The following SYK variants were observed in gnomAD, a reference collection of about 807,000 sequenced individuals.
The protein encoded by SYK is tyrosine-protein kinase SYK.
In SYK, 16 loss-of-function variants were observed where a neutral mutation model predicts 77.8. That is an observed-to-expected ratio of 0.21 (90% confidence interval 0.14 to 0.31). SYK has a LOEUF of 0.31. SYK is among the 10% of genes least tolerant of loss of function. The probability of loss-of-function intolerance (pLI) is 1.00; values close to 1 mark genes in which losing one functional copy is unlikely to be tolerated. For synonymous variants in SYK, 312 were observed against 308.7 expected (o/e 1.01, Z -0.11); for missense variants, 529 against 814.4 (o/e 0.65, Z 4.26).
intron 1 of SYK, among the ~76,000 whole-genome samples, chr9:90,815,759 A>C (rs1825268247): frequency 1.3e-5 from 2 of 152,240 alleles, no homozygotes; most frequent in African/African-American, 4.8e-5. Flanking sequence ...CCCACGTGAA[A>C]AGGGGAATGT....
intron 13 of SYK, among the ~76,000 whole-genome samples, chr9:90,891,270 C>G (rs999967660): frequency 6.6e-6 from 1 of 151,840 alleles, no homozygotes; most frequent in Non-Finnish European, 1.5e-5. Context: ...CTCAGCCTCC[C>G]GAGTAGCTGG....
intron 11 of SYK, among the ~76,000 whole-genome samples, chr9:90,881,404 G>A (rs1204454255): frequency 6.6e-6 from 1 of 152,146 alleles, no homozygotes; most frequent in East Asian, 1.9e-4. Context: ...AGTGGGCCGG[G>A]CGTGGTGGCT....
chr9:90,823,399 C>A (rs1825580264), intron 1 of SYK, among the ~76,000 whole-genome samples: 2 of 152,180 alleles, frequency 1.3e-5, no homozygotes, highest in African/African-American at 2.4e-5. Context: ...TCAACTTGAT[C>A]TAATTGACAT....
At chr9:90,885,175 C>G (rs1301249464) in intron 11 of SYK, among the ~76,000 whole-genome samples, 1 of 151,296 alleles carries the variant, frequency 6.6e-6, no homozygotes, top group Non-Finnish European at 1.5e-5. Flanking sequence ...CAAAAAAATC[C>G]CAATCAAAAA....
intron 1 of SYK, among the ~76,000 whole-genome samples, chr9:90,818,633 A>C (rs986148847): frequency 3.3e-5 from 5 of 152,254 alleles, no homozygotes; most frequent in Non-Finnish European, 7.3e-5. Context: ...TTTGTGAAAA[A>C]AATTATAAAA....
At chr9:90,818,627 T>C (rs1448801538) in intron 1 of SYK, among the ~76,000 whole-genome samples, 2 of 152,218 alleles carry the variant, frequency 1.3e-5, no homozygotes, top group Non-Finnish European at 2.9e-5. Flanking sequence ...TTTTTCTTTG[T>C]GAAAAAAATT....
rs138672587 is a variant in SYK at position 90,896,981 on chromosome 9, C to T, written c.*1381C>T. ...AACGGAGGTCGCAGTGAGCCAAGATCATGCCACTGCACTCCAGCTTGGGCA... is the reference window on the plus strand; with the variant it reads ...AACGGAGGTCGCAGTGAGCCAAGATTATGCCACTGCACTCCAGCTTGGGCA... On this transcript the variant is annotated 3_prime_UTR_variant, in exon 14 of 14. Coordinates refer to ENST00000375754, the MANE Select transcript of SYK (RefSeq NM_003177.7). 1.1e-4 allele frequency: 22 copies of T among 203,046 alleles called. No homozygotes were observed. In the East Asian group the frequency reaches 1.6e-3, roughly 15 times the overall value. The allele number at this position is 203,046 out of a possible 1,614,324, so 12.6% of individuals were successfully genotyped here.
intron 3 of SYK, among the ~76,000 whole-genome samples, chr9:90,860,506 A>G (rs1587875430): frequency 6.6e-6 from 1 of 152,060 alleles, no homozygotes; most frequent in African/African-American, 2.4e-5. Context: ...TGTGGCTGTG[A>G]AAAGGGAGCT....
chr9:90,840,453 T>C (rs1227843146), intron 1 of SYK, among the ~76,000 whole-genome samples: 1 of 150,242 alleles, frequency 6.7e-6, no homozygotes, highest in Non-Finnish European at 1.5e-5. Context: ...AAAAGCATTG[T>C]AGAATGCAGG....
intron 11 of SYK, among the ~76,000 whole-genome samples, chr9:90,882,012 A>G (rs578048613): frequency 6.6e-6 from 1 of 152,394 alleles, no homozygotes; most frequent in African/African-American, 2.4e-5. Flanking sequence ...GTGCTGACCT[A>G]GAAATATGTC....
Position 90,874,780 on chromosome 9 carries a change from C to G in SYK, c.1112C>G (p.Thr371Arg). 6.2e-7 allele frequency: 1 copy of G among 1,614,048 alleles called. No homozygotes were observed. Among genetic ancestry groups the G allele is most frequent in the Non-Finnish European group, 8.5e-7 (1 of 1,180,018 alleles). The change falls in exon 9 of 14, where the codon ACG becomes AGG. Residue 371 changes from threonine (T) to arginine (R), a missense_variant. Around this residue, in one of 2 missense-constraint regions of SYK, gnomAD observed 208 missense variants for 381.3 expected, o/e 0.55. Transcript: ENST00000375754. ...KEVYLDRKLL[T>R]LEDKELGSGN... is the part of the protein sequence containing the mutation. ...GTTTACCTGGACCGAAAGCTGCTGACGCTGGAAGACAAAGAACTGGGCTCT... is the reference window on the plus strand; with the variant it reads ...GTTTACCTGGACCGAAAGCTGCTGAGGCTGGAAGACAAAGAACTGGGCTCT...
rs997144165 is a variant in SYK, at chr9:90,898,226, A to G, written c.*2626A>G. On this transcript the variant is annotated 3_prime_UTR_variant, in exon 14 of 14. Coordinates refer to ENST00000375754, the MANE Select transcript of SYK (RefSeq NM_003177.7). The stretch of plus-strand genomic sequence containing the variant: ...TCCCCCAGCAGGGCCGACAGTTTCT[A>G]TCACAGAAAACAGTGTGTTCAGTGG... 2 of 231,200 alleles carry G rather than the reference A, an allele frequency of 8.7e-6. No homozygotes were observed. Among genetic ancestry groups the G allele is most frequent in the African/African-American group, 4.4e-5 (2 of 45,234 alleles). The allele number at this position is 231,200 out of a possible 1,614,324, so 14.3% of individuals were successfully genotyped here. A position where few individuals can be genotyped will look rare whatever the true frequency, so the allele number is the denominator to read the frequency against.
At chr9:90,876,878 G>A in intron 9 of SYK, among the ~76,000 whole-genome samples, 1 of 152,064 alleles carries the variant, frequency 6.6e-6, no homozygotes, top group East Asian at 1.9e-4. Flanking sequence ...ATTATGAAAG[G>A]CATTTTATAT....
At chr9:90,842,601 G>T (rs190079062) in intron 1 of SYK, among the ~76,000 whole-genome samples, 2 of 151,212 alleles carry the variant, frequency 1.3e-5, no homozygotes, top group East Asian at 3.9e-4. Flanking sequence ...TGTGATGTGT[G>T]TAGTGTGTTT....
At chr9:90,849,620 T>C (rs1355481197) in intron 3 of SYK, among the ~76,000 whole-genome samples, 1 of 152,218 alleles carries the variant, frequency 6.6e-6, no homozygotes, top group African/African-American at 2.4e-5. Context: ...GCAATAGATA[T>C]AGAAATATAA....
chr9:90,890,333 C>T (rs763972356), intron 13 of SYK, among the ~76,000 whole-genome samples: 3 of 152,210 alleles, frequency 2.0e-5, no homozygotes, highest in Non-Finnish European at 4.4e-5. Flanking sequence ...ACGCACGTAA[C>T]AGTGGGCAGT....
intron 9 of SYK, 100 bp downstream of exon 9, chr9:90,874,949 T>A: frequency 7.5e-7 from 1 of 1,333,896 alleles, no homozygotes; most frequent in Non-Finnish European, 1.0e-6. Context: ...AAACCCTTTT[T>A]TTATTAATGC....
At position 90,884,813 on chromosome 9, in the gene SYK, A is replaced by G. The variant is rs200447921; in HGVS notation, c.1582-2936A>G. ...TGCACATATACACATATGTGTACAT[A>G]CACATATACACATATGTGTGTATAT... On this transcript the variant is annotated intron_variant, in intron 11 of 13. Coordinates refer to ENST00000375754, the MANE Select transcript of SYK (RefSeq NM_003177.7). Among the ~76,000 whole-genome samples, 130 of 61,586 alleles carry G rather than the reference A, an allele frequency of 2.1e-3. 46 individuals carry two copies. The highest frequency in any genetic ancestry group is 3.7e-3 in the South Asian group (7 of 1,884). The allele number at this position is 61,586 out of a possible 152,430, so 40.4% of individuals were successfully genotyped here. A position where few individuals can be genotyped will look rare whatever the true frequency, so the allele number is the denominator to read the frequency against.
At chr9:90,881,315 A>G (rs987002898) in intron 11 of SYK, among the ~76,000 whole-genome samples, 6 of 152,234 alleles carry the variant, frequency 3.9e-5, no homozygotes, top group African/African-American at 1.4e-4. Context: ...CAGCAAAAAG[A>G]GACAAAACTA....
Sources: allele counts gnomAD v4.1 joint callset (sites outside exome capture counted in the v4.1 genomes callset), GRCh38; gene constraint gnomAD v4.1.1; regional missense constraint gnomAD v4.1.1; transcripts MANE v1.5; gene names NCBI Gene and HGNC (gene_info 2026-07-23, HGNC 2026-07-21).